MDGA2: variants seen among roughly 807,000 people sequenced by gnomAD.
MDGA2 encodes the protein MAM domain-containing glycosylphosphatidylinositol anchor protein 2.
In MDGA2, 40 loss-of-function variants were observed where a neutral mutation model predicts 117.8. The ratio of observed to expected loss-of-function variants is 0.34; its 90% CI spans 0.26 to 0.44. The LOEUF (loss-of-function observed/expected upper bound fraction) is 0.44, where lower values mean the gene tolerates loss of function less well. MDGA2 is among the 20% of genes least tolerant of loss of function. The probability of loss-of-function intolerance (pLI) is 1.00; values close to 1 mark genes in which losing one functional copy is unlikely to be tolerated. For synonymous variants in MDGA2, 452 were observed against 439.0 expected (o/e 1.03, Z -0.37); for missense variants, 1,123 against 1,250.6 (o/e 0.90, Z 1.54).
At chr14:46,849,476 A>G (rs1414524607) in intron 15 of MDGA2, among the ~76,000 whole-genome samples, 2 of 151,892 alleles carry the variant, frequency 1.3e-5, no homozygotes, top group African/African-American at 4.8e-5. Flanking sequence ...AATGACTCCT[A>G]GACTAAGATC....
At chr14:46,990,108 G>A (rs1168795579) in intron 8 of MDGA2, among the ~76,000 whole-genome samples, 1 of 152,034 alleles carries the variant, frequency 6.6e-6, no homozygotes, top group African/African-American at 2.4e-5. Flanking sequence ...CTTGAAATGT[G>A]TTAACTTCAT....
In MDGA2 at chr14:46,884,416, G is replaced by A. The variant is rs1882589923; in HGVS notation, c.2239-2195C>T. Among the ~76,000 whole-genome samples, 1 of 151,964 alleles carries A rather than the reference G, an allele frequency of 6.6e-6. No homozygotes were observed. Among genetic ancestry groups the A allele is most frequent in the Non-Finnish European group, 1.5e-5 (1 of 67,978 alleles). On this transcript the variant is annotated intron_variant, in intron 10 of 16. Coordinates refer to ENST00000399232, the MANE Select transcript of MDGA2 (RefSeq NM_001113498.3). The surrounding 1 kb of genome is among the most constrained non-coding windows in gnomAD (Gnocchi z 4.1). ...ACACATGTACACATTATATGCACAG[G>A]TACACACACATACACATATCACATA...
At chr14:47,482,614 C>T (rs1489654135) in intron 1 of MDGA2, among the ~76,000 whole-genome samples, 3 of 152,048 alleles carry the variant, frequency 2.0e-5, no homozygotes, top group Non-Finnish European at 2.9e-5. Context: ...CTAGATTATA[C>T]TACAAGGAAA....
At chr14:46,918,811 G>C (rs913094219) in intron 10 of MDGA2, among the ~76,000 whole-genome samples, 1 of 142,188 alleles carries the variant, frequency 7.0e-6, no homozygotes, top group Admixed American at 7.0e-5. Flanking sequence ...CCCAGAGCTG[G>C]AGTGCAGTGG....
intron 1 of MDGA2, among the ~76,000 whole-genome samples, chr14:47,508,186 T>C (rs1894556223): frequency 1.3e-5 from 2 of 152,226 alleles, no homozygotes; most frequent in African/African-American, 4.8e-5. Context: ...CCTATAAATC[T>C]TACTTCCAGA....
intron 1 of MDGA2, among the ~76,000 whole-genome samples, chr14:47,456,089 G>C (rs576875969): frequency 1.3e-5 from 2 of 152,082 alleles, no homozygotes; most frequent in East Asian, 3.9e-4. Context: ...AAAATACTGA[G>C]ATTACTTGAA....
chr14:47,557,025 A>T (rs866886283), intron 1 of MDGA2, among the ~76,000 whole-genome samples: 1 of 152,222 alleles, frequency 6.6e-6, no homozygotes, highest in Non-Finnish European at 1.5e-5. Context: ...CACTAGCCTC[A>T]GCAAGCTCCA....
chr14:47,546,279 G>C (rs906007333), intron 1 of MDGA2, among the ~76,000 whole-genome samples: 6 of 152,132 alleles, frequency 3.9e-5, no homozygotes, highest in African/African-American at 1.4e-4. Flanking sequence ...ATAAGATACA[G>C]TGTGAGAGCA....
chr14:46,845,360 T>A (rs1394695647), intron 16 of MDGA2, among the ~76,000 whole-genome samples: 1 of 152,222 alleles, frequency 6.6e-6, no homozygotes, highest in Non-Finnish European at 1.5e-5. Context: ...AATTACCCAG[T>A]GTTGGGCAGT....
Position 47,048,737 on chromosome 14 carries a change from G to A in MDGA2, c.1525+12512C>T, listed in dbSNP as rs1190963827. Among the ~76,000 whole-genome samples the A allele has an allele frequency of 2.6e-5, 4 of 152,090 alleles. No homozygotes were observed. The East Asian group carries it at 7.7e-4, about 29-fold the overall frequency. On this transcript the variant is annotated intron_variant, in intron 7 of 16. Coordinates refer to ENST00000399232, the MANE Select transcript of MDGA2 (RefSeq NM_001113498.3). ...TTCCATCAACAGATCAGGGTCACAT[G>A]TTCTTTAGAGCAAATGAGGTTTAAT...
intron 3 of MDGA2, among the ~76,000 whole-genome samples, chr14:47,206,609 G>C (rs550160133): frequency 6.6e-6 from 1 of 152,010 alleles, no homozygotes; most frequent in South Asian, 2.1e-4. Context: ...TATAGGTAGG[G>C]CTGGGTGCGG....
At chr14:47,614,741 C>T (rs1009562743) in intron 1 of MDGA2, among the ~76,000 whole-genome samples, 2 of 152,182 alleles carry the variant, frequency 1.3e-5, no homozygotes, top group Admixed American at 6.5e-5. Context: ...AATTTGTATG[C>T]ATCTCAGATT....
At chr14:46,952,787 A>T (rs947011288) in intron 9 of MDGA2, among the ~76,000 whole-genome samples, 4 of 151,964 alleles carry the variant, frequency 2.6e-5, no homozygotes, top group Non-Finnish European at 4.4e-5. Flanking sequence ...AAGGCAGCAT[A>T]GTCAAATTTG....
chr14:47,636,725 C>T (rs1057037563), intron 1 of MDGA2, among the ~76,000 whole-genome samples: 1 of 127,640 alleles, frequency 7.8e-6, no homozygotes, highest in Non-Finnish European at 1.6e-5. Context: ...ACGAAGGTTG[C>T]AGTGAGCCGA....
rs1392720131 is a variant in MDGA2, at chr14:47,191,438, G to A, written c.595+26583C>T. Reference sequence around the variant, plus strand: ...TATTTACATATATATATATATATATGAAAATTCTAGAAATATTATCACCAA... The same window carrying A: ...TATTTACATATATATATATATATATAAAAATTCTAGAAATATTATCACCAA... On this transcript the variant is annotated intron_variant, in intron 3 of 16. Transcript: ENST00000399232. Among the ~76,000 whole-genome samples the A allele has an allele frequency of 2.9e-5, 4 of 138,244 alleles. No homozygotes were observed. The East Asian group carries it at 8.8e-4, about 30-fold the overall frequency. 90.7% of individuals were successfully genotyped at this position (138,244 alleles called of 152,430 possible).
chr14:47,318,292 G>A (rs1483105898), intron 1 of MDGA2, among the ~76,000 whole-genome samples: 3 of 152,128 alleles, frequency 2.0e-5, no homozygotes, highest in East Asian at 1.9e-4. Context: ...CTTCCTCAGG[G>A]TATTCAAACT....
chr14:47,322,760 C>T (rs767112729), intron 1 of MDGA2, among the ~76,000 whole-genome samples: 1 of 152,122 alleles, frequency 6.6e-6, no homozygotes, highest in Non-Finnish European at 1.5e-5. Context: ...GTTGTTATTA[C>T]TATTCTTTAA....
intron 1 of MDGA2, among the ~76,000 whole-genome samples, chr14:47,358,866 T>A (rs897556316): frequency 1.3e-5 from 2 of 152,198 alleles, no homozygotes; most frequent in African/African-American, 4.8e-5. Flanking sequence ...AAAACTAATA[T>A]TGTTAAAATG....
At chr14:47,410,925 C>T (rs960570728) in intron 1 of MDGA2, among the ~76,000 whole-genome samples, 27 of 152,156 alleles carry the variant, frequency 1.8e-4, no homozygotes, top group African/African-American at 6.3e-4. Flanking sequence ...ATTTGAGACT[C>T]TCAAATACTT....
Sources: allele counts gnomAD v4.1 joint callset (sites outside exome capture counted in the v4.1 genomes callset), GRCh38; gene constraint gnomAD v4.1.1; non-coding constraint Gnocchi (gnomAD v3.1); transcripts MANE v1.5; gene names NCBI Gene and HGNC (gene_info 2026-07-23, HGNC 2026-07-21).